Variants in C13orf42 observed in about 807,000 individuals in gnomAD.
The protein encoded by C13orf42 is chromosome 13 open reading frame 42, also known as uncharacterized protein C13orf42.
intron 1 of C13orf42, among the ~76,000 whole-genome samples, chr13:51,141,189 T>G (rs1593549455): frequency 1.3e-5 from 2 of 150,972 alleles, no homozygotes; most frequent in East Asian, 3.9e-4. Flanking sequence ...GATTTTTTGT[T>G]TTTCTCTCCT....
chr13:51,091,565 T>C (rs892647119), intron 1 of C13orf42, among the ~76,000 whole-genome samples: 5 of 152,224 alleles, frequency 3.3e-5, no homozygotes, highest in African/African-American at 1.2e-4. Context: ...AGGGTGACTC[T>C]GTAACAGTGG....
intron 1 of C13orf42, among the ~76,000 whole-genome samples, chr13:51,121,042 A>T (rs762706000): frequency 6.6e-6 from 1 of 152,132 alleles, no homozygotes; most frequent in Non-Finnish European, 1.5e-5. Context: ...CGTCATAATA[A>T]ACCCTGACCT....
Position 51,160,235 on chromosome 13 carries a change from G to A in C13orf42, n.136+12018C>T, listed in dbSNP as rs77097164. 8.9e-3 allele frequency among the ~76,000 whole-genome samples: 1,348 copies of A among 152,310 alleles called. 24 individuals are homozygous for A. Among genetic ancestry groups the A allele is most frequent in the African/African-American group, 0.031 (1,301 of 41,566 alleles). ...TGTTTAGAAATTTGATTTGTGGGAC[G>A]AGAATGGTGGCTCACGCCTGGAATC... On this transcript the variant is annotated intron_variant and non_coding_transcript_variant, in intron 1 of 4. Transcript: ENST00000433280.
intron 3 of C13orf42, among the ~76,000 whole-genome samples, chr13:51,084,622 C>T (rs886406481): frequency 6.6e-6 from 1 of 152,312 alleles, no homozygotes; most frequent in East Asian, 1.9e-4. Flanking sequence ...CTAAATCCAA[C>T]AGGGTTTAGT....
At chr13:51,086,317 CAAAAAAAAACAA>C (rs1359617437) in intron 2 of C13orf42, among the ~76,000 whole-genome samples, 4 of 114,350 alleles carry the variant, frequency 3.5e-5, no homozygotes, top group South Asian at 5.4e-4. Context: ...AAAAAAAAAA[CAAAAAAAAACAA>C]AAAAAAAAAC....
chr13:51,090,964 T>C (rs1434059467), intron 1 of C13orf42, among the ~76,000 whole-genome samples: 1 of 152,268 alleles, frequency 6.6e-6, no homozygotes, highest in Non-Finnish European at 1.5e-5. Flanking sequence ...CCCTTTCAGC[T>C]GCACCTTTGC....
chr13:51,095,839 G>A (rs141075779), intron 1 of C13orf42, among the ~76,000 whole-genome samples: 128 of 152,000 alleles, frequency 8.4e-4, no homozygotes, highest in Middle Eastern at 3.4e-3. Context: ...TCCAATGTTC[G>A]TGTCATATCT....
intron 2 of C13orf42, among the ~76,000 whole-genome samples, chr13:51,086,304 TCAAAAAAAAAAACAAAAAAAAA>T (rs1389226366): frequency 2.8e-3 from 302 of 108,510 alleles, no homozygotes; most frequent in African/African-American, 0.011. Context: ...AGACTCCGTC[TCAAAAAAAAAAACAAAAAAAAA>T]CAAAAAAAAA....
intron 1 of C13orf42, among the ~76,000 whole-genome samples, chr13:51,119,098 C>G (rs1438649891): frequency 6.6e-6 from 1 of 151,952 alleles, no homozygotes; most frequent in Non-Finnish European, 1.5e-5. Context: ...ATGGCATGCC[C>G]TGGTGTATGG....
chr13:51,086,327 C>CA (rs11440988), intron 2 of C13orf42, among the ~76,000 whole-genome samples: 18,023 of 125,442 alleles, frequency 0.14, 1,366 homozygotes, highest in Admixed American at 0.22. Context: ...CAAAAAAAAA[C>CA]AAAAAAAAAA....
intron 1 of C13orf42, among the ~76,000 whole-genome samples, chr13:51,093,191 T>C (rs1301130469): frequency 6.6e-6 from 1 of 152,260 alleles, no homozygotes; most frequent in Non-Finnish European, 1.5e-5. Flanking sequence ...GTCTCTTTAA[T>C]GATTTATGCA....
At chr13:51,156,143 G>A (rs1953822780) in intron 1 of C13orf42, among the ~76,000 whole-genome samples, 1 of 152,188 alleles carries the variant, frequency 6.6e-6, no homozygotes, top group African/African-American at 2.4e-5. Context: ...AAGAAGGAAA[G>A]CAGTCCCATG....
Position 51,119,914 on chromosome 13 carries a change from G to T in C13orf42, n.137-6692C>A, listed in dbSNP as rs574590101. 3.6e-4 allele frequency among the ~76,000 whole-genome samples: 55 copies of T among 152,144 alleles called. 1 individual carries two copies. Among genetic ancestry groups the T allele is most frequent in the South Asian group, 1.0e-3 (5 of 4,812 alleles). On this transcript the variant is annotated intron_variant and non_coding_transcript_variant, in intron 1 of 4. Coordinates refer to the C13orf42 transcript ENST00000433280. The stretch of plus-strand genomic sequence containing the variant: ...AAAATGATAAATTTAAAAACAAATA[G>T]ATTCCCAAGGCCCTCTAGAGGAACT...
At chr13:51,109,330 G>A (rs1953399685) in intron 1 of C13orf42, among the ~76,000 whole-genome samples, 1 of 152,224 alleles carries the variant, frequency 6.6e-6, no homozygotes, top group Non-Finnish European at 1.5e-5. Context: ...ACGGCCTACA[G>A]GACACTCTGG....
chr13:51,115,611 A>C (rs1953483049), upstream of C13orf42, among the ~76,000 whole-genome samples: 1 of 151,720 alleles, frequency 6.6e-6, no homozygotes, highest in Admixed American at 6.6e-5. Flanking sequence ...CCCCTCGACC[A>C]CTCCCCTGAC....
intron 1 of C13orf42, among the ~76,000 whole-genome samples, chr13:51,110,378 G>A (rs556423749): frequency 6.6e-6 from 1 of 152,240 alleles, no homozygotes; most frequent in South Asian, 2.1e-4. Context: ...CAAAACCCAT[G>A]TCTTCCCCAC....
At chr13:51,107,156 A>C (rs930537338) in intron 1 of C13orf42, among the ~76,000 whole-genome samples, 1 of 152,138 alleles carries the variant, frequency 6.6e-6, no homozygotes, top group African/African-American at 2.4e-5. Context: ...GGGTATCTCC[A>C]GGGGGCTGGG....
intron 1 of C13orf42, among the ~76,000 whole-genome samples, chr13:51,102,392 C>T (rs891626983): frequency 6.6e-6 from 1 of 152,222 alleles, no homozygotes; most frequent in Non-Finnish European, 1.5e-5. Flanking sequence ...GAAAGAGCCT[C>T]TACAGGCTGT....
intron 1 of C13orf42, among the ~76,000 whole-genome samples, chr13:51,100,375 T>A (rs1953276493): frequency 6.6e-6 from 1 of 152,050 alleles, no homozygotes; most frequent in Non-Finnish European, 1.5e-5. Context: ...GAAAATATTT[T>A]AACATATATG....
Sources: allele counts gnomAD v4.1 joint callset (sites outside exome capture counted in the v4.1 genomes callset), GRCh38; gene constraint gnomAD v4.1.1; transcripts MANE v1.5; gene names NCBI Gene and HGNC (gene_info 2026-07-23, HGNC 2026-07-21).